TDRD5: variants seen among roughly 807,000 people sequenced by gnomAD.
TDRD5 encodes the protein tudor domain containing 5, also known as tudor domain-containing protein 5.
TDRD5 carries 41 observed loss-of-function variants against 120.6 expected under a neutral mutation model. The ratio of observed to expected loss-of-function variants is 0.34; its 90% CI spans 0.26 to 0.44. TDRD5 has a LOEUF of 0.44. Among genes scored for constraint, TDRD5 ranks in the 20% least tolerant of loss-of-function variants. TDRD5 has a pLI of 1.00. For missense variants in TDRD5, 1,006 were observed against 1,221.2 expected (o/e 0.82, Z 2.63); for synonymous variants, 430 against 433.7 (o/e 0.99, Z 0.11).
intron 17 of TDRD5, among the ~76,000 whole-genome samples, chr1:179,670,220 T>C (rs978676993): frequency 1.3e-5 from 2 of 152,012 alleles, no homozygotes; most frequent in East Asian, 3.9e-4. Context: ...TGAAACCCCA[T>C]CTGTACTAAA....
chr1:179,657,018 T>C (rs996692192), intron 14 of TDRD5, among the ~76,000 whole-genome samples: 7 of 152,154 alleles, frequency 4.6e-5, no homozygotes, highest in Non-Finnish European at 7.3e-5. Flanking sequence ...GATCACACCA[T>C]TGCACTCCAG....
intron 4 of TDRD5, among the ~76,000 whole-genome samples, chr1:179,601,065 T>C (rs1675679317): frequency 6.6e-6 from 1 of 152,208 alleles, no homozygotes; most frequent in African/African-American, 2.4e-5. Context: ...TTCAAAAGAA[T>C]ATGTATTTTG....
intron 17 of TDRD5, among the ~76,000 whole-genome samples, chr1:179,670,599 AG>A (rs550345380): frequency 5.9e-5 from 9 of 152,188 alleles, no homozygotes; most frequent in Non-Finnish European, 1.2e-4. Context: ...AAATTTTGCC[AG>A]TCTGTTGGGT....
chr1:179,657,577 G>A (rs1015101516), intron 14 of TDRD5, among the ~76,000 whole-genome samples: 2 of 151,856 alleles, frequency 1.3e-5, no homozygotes, highest in Admixed American at 1.3e-4. Context: ...TAGTTTTCTT[G>A]TATTGTCTTT....
intron 4 of TDRD5, among the ~76,000 whole-genome samples, chr1:179,596,292 TA>T (rs1558367088): frequency 6.6e-6 from 1 of 152,186 alleles, no homozygotes; most frequent in East Asian, 1.9e-4. Context: ...ACGTGGAAAT[TA>T]AGTTCAAAAC....
At chr1:179,605,768 G>T (rs538194885) in intron 4 of TDRD5, among the ~76,000 whole-genome samples, 2 of 152,146 alleles carry the variant, frequency 1.3e-5, no homozygotes, top group East Asian at 3.9e-4. Context: ...TGCATTTAAG[G>T]TTCCTTTATG....
chr1:179,685,581 G>A (rs989038690), intron 17 of TDRD5, among the ~76,000 whole-genome samples: 16 of 152,178 alleles, frequency 1.1e-4, no homozygotes, highest in South Asian at 6.2e-4. Context: ...CTGTGAAGAA[G>A]GTCATTGGTA....
chr1:179,664,332 A>G (rs1679458685), intron 16 of TDRD5, among the ~76,000 whole-genome samples: 1 of 151,882 alleles, frequency 6.6e-6, no homozygotes, highest in South Asian at 2.1e-4. Context: ...TTGATATACC[A>G]TTATAATTCA....
At chr1:179,601,064 A>G (rs1282318087) in intron 4 of TDRD5, among the ~76,000 whole-genome samples, 2 of 152,216 alleles carry the variant, frequency 1.3e-5, no homozygotes, top group Admixed American at 1.3e-4. Flanking sequence ...CTTCAAAAGA[A>G]TATGTATTTT....
intron 4 of TDRD5, among the ~76,000 whole-genome samples, chr1:179,614,110 T>G (rs1278753300): frequency 1.3e-5 from 2 of 152,156 alleles, no homozygotes; most frequent in Non-Finnish European, 2.9e-5. Flanking sequence ...TAATATAGAT[T>G]GATTACAGAA....
At chr1:179,679,902 T>C (rs890005870) in intron 17 of TDRD5, among the ~76,000 whole-genome samples, 3 of 152,136 alleles carry the variant, frequency 2.0e-5, no homozygotes, top group Non-Finnish European at 4.4e-5. Context: ...GTTTTTCAAA[T>C]TGAAACCTTA....
At chr1:179,595,280 G>C (rs1675328877) in intron 3 of TDRD5, among the ~76,000 whole-genome samples, 1 of 152,118 alleles carries the variant, frequency 6.6e-6, no homozygotes, top group African/African-American at 2.4e-5. Context: ...GAAAAGCATA[G>C]TGCTAAGCAG....
intron 17 of TDRD5, among the ~76,000 whole-genome samples, chr1:179,674,211 G>T (rs1229403384): frequency 6.6e-6 from 1 of 152,060 alleles, no homozygotes; most frequent in Non-Finnish European, 1.5e-5. Context: ...ATTACCTTAA[G>T]GTATGTCCCT....
chr1:179,653,433 G>C (rs1185003805), intron 13 of TDRD5, among the ~76,000 whole-genome samples: 1 of 152,014 alleles, frequency 6.6e-6, no homozygotes, highest in Non-Finnish European at 1.5e-5. Flanking sequence ...CCTACTGCAT[G>C]TTCAAAACAA....
Position 179,593,609 on chromosome 1 carries a change from G to T in TDRD5, c.382G>T (p.Ala128Ser), listed in dbSNP as rs757615484. ...GCGAGTACCTTACCGAGGAAGGGTT[G>T]CCCCTATTCTTCCAGCTGTTGTGAA... ...HRRVPYRGRV[A>S]PILPAVVKSE... Residue 128 changes from alanine (A) to serine (S), a missense_variant, in exon 3 of 18, where the codon GCC becomes TCC. Transcript: ENST00000444136. 3.7e-6 allele frequency: 6 copies of T among 1,614,124 alleles called. No homozygotes were observed. Among genetic ancestry groups the T allele is most frequent in the Non-Finnish European group, 5.1e-6 (6 of 1,180,050 alleles).
intron 17 of TDRD5, among the ~76,000 whole-genome samples, chr1:179,688,793 T>C (rs981197152): frequency 6.6e-6 from 1 of 152,134 alleles, no homozygotes; most frequent in African/African-American, 2.4e-5. Context: ...ATTTCATTCA[T>C]TTGATCTTCA....
chr1:179,614,842 A>G (rs1456231607), intron 4 of TDRD5, among the ~76,000 whole-genome samples: 2 of 152,166 alleles, frequency 1.3e-5, no homozygotes, highest in African/African-American at 4.8e-5. Context: ...GAATGGCTAA[A>G]TCAAGCTGTT....
intron 4 of TDRD5, among the ~76,000 whole-genome samples, chr1:179,616,918 G>A (rs1157100988): frequency 1.3e-5 from 2 of 152,150 alleles, no homozygotes; most frequent in Admixed American, 6.6e-5. Flanking sequence ...GAAACACCTA[G>A]CACAGTGATA....
chr1:179,644,040 C>T (rs1192738773), intron 11 of TDRD5, among the ~76,000 whole-genome samples: 1 of 152,092 alleles, frequency 6.6e-6, no homozygotes, highest in East Asian at 1.9e-4. Context: ...AAAAAGAAGT[C>T]AAGCTGGAAT....
Sources: gnomAD v4.1 joint callset for allele counts (sites outside exome capture counted in the v4.1 genomes callset) on GRCh38, gnomAD v4.1.1 for gene constraint, MANE v1.5 for transcripts, NCBI Gene and HGNC (gene_info 2026-07-23, HGNC 2026-07-21) for gene names.